Variants in SFI1 observed in about 807,000 individuals in gnomAD.
The protein encoded by SFI1 is protein SFI1 homolog.
A neutral mutation model predicts 207.5 loss-of-function variants in SFI1; 195 were observed. The ratio of observed to expected loss-of-function variants is 0.94; its 90% confidence interval spans 0.84 to 1.06. The LOEUF is 1.06. Ranked by LOEUF, SFI1 falls within the 50% of genes least tolerant of loss-of-function variation. The probability of loss-of-function intolerance (pLI) is 0.00; values close to 1 mark genes in which losing one functional copy is unlikely to be tolerated. For missense variants in SFI1, 1,634 were observed against 1,588.0 expected, an observed-to-expected ratio of 1.03 and a Z score of -0.49; for synonymous variants, 630 against 598.9, an observed-to-expected ratio of 1.05 and a Z score of -0.76.
intron 1 of SFI1, among the ~76,000 whole-genome samples, chr22:31,502,312 A>T (rs1040381346): frequency 6.6e-6 from 1 of 152,056 alleles, no homozygotes; most frequent in African/African-American, 2.4e-5. Flanking sequence ...AGAACCTATC[A>T]ATGACATTAA....
At chr22:31,552,229 G>A (rs1359235666) in intron 6 of SFI1, among the ~76,000 whole-genome samples, 3 of 151,856 alleles carry the variant, frequency 2.0e-5, no homozygotes. Context: ...TTTATGGCTG[G>A]GTGGTATTCC....
intron 4 of SFI1, among the ~76,000 whole-genome samples, chr22:31,533,101 A>G (rs1350533097): frequency 6.6e-6 from 1 of 152,168 alleles, no homozygotes; most frequent in Non-Finnish European, 1.5e-5. Flanking sequence ...TCACAGGCCC[A>G]GTTGAAGGGT....
rs2065544950 is a variant in SFI1, at chr22:31,589,603, C to G, written c.1544+26C>G. On this transcript the variant is annotated intron_variant, in intron 15 of 32. Transcript: ENST00000400288. ...GTATGTTGCGCAGCTCCTGTCTGCA[C>G]TGGGGCAGGTGTTTCAAATCTAACT... 3.1e-6 allele frequency: 5 copies of G among 1,595,606 alleles called. No homozygotes were observed. The African/African-American group carries it at 6.8e-5, about 22-fold the overall frequency.
At chr22:31,508,564 A>G (rs953479873) in intron 2 of SFI1, among the ~76,000 whole-genome samples, 188 bp downstream of exon 2, 1 of 152,198 alleles carries the variant, frequency 6.6e-6, no homozygotes, top group African/African-American at 2.4e-5. Flanking sequence ...GTTACAGTCA[A>G]AAAACATTCT....
rs59382278 is a variant in SFI1 at position 31,549,288 on chromosome 22, TA to T, written c.450-939del. On this transcript the variant is annotated intron_variant, in intron 5 of 32. Transcript: ENST00000400288. ...CTAGGTGACAGAGTGAGACCCTGTG[TA>T]AAAAAAAAAAAAAAAAAAAAAAAAA... 9.7e-3 allele frequency among the ~76,000 whole-genome samples: 360 copies of T among 37,186 alleles called. 2 individuals carry two copies. The highest frequency in any genetic ancestry group is 0.022 in the African/African-American group (180 of 8,050). The allele number at this position is 37,186 out of a possible 152,430, so 24.4% of individuals were successfully genotyped here.
At chr22:31,500,998 C>T (rs529361805) in intron 1 of SFI1, among the ~76,000 whole-genome samples, 1 of 151,048 alleles carries the variant, frequency 6.6e-6, no homozygotes, top group African/African-American at 2.4e-5. Context: ...GGGGTTTCAC[C>T]ATATTGGCCA....
intron 2 of SFI1, among the ~76,000 whole-genome samples, chr22:31,508,952 T>A (rs2055080293): frequency 6.6e-6 from 1 of 152,252 alleles, no homozygotes; most frequent in Non-Finnish European, 1.5e-5. Context: ...ATTTTTAGTA[T>A]GTCATCTATT....
chr22:31,615,259 G>A lies in SFI1; in HGVS notation c.3280G>A (p.Gly1094Arg), dbSNP rs774150397. The A allele has an allele frequency of 1.4e-5, 21 of 1,505,832 alleles. No individual in the cohort carries two copies. The highest frequency in any genetic ancestry group is 9.1e-5 in the South Asian group (7 of 76,586). The allele number at this position is 1,505,832 out of a possible 1,614,324, so 93.3% of individuals were successfully genotyped here. The change falls in exon 29 of 33, where the codon GGG becomes AGG. Residue 1094 changes from glycine (G) to arginine (R), a missense_variant. Physicochemically the swap from Gly to Arg is moderately radical, Grantham distance 125. Coordinates refer to ENST00000400288, the MANE Select transcript of SFI1 (RefSeq NM_001007467.3). ...LLPLSSFMPC[G>R]AAAPARVSAQ... ...GCCTCTTTCCTCCTTCATGCCCTGCGGGGCGGCTGCACCAGCCAGGGTACG... is the reference window on the plus strand; with the variant it reads ...GCCTCTTTCCTCCTTCATGCCCTGCAGGGCGGCTGCACCAGCCAGGGTACG...
intron 21 of SFI1, 41 bp from the exon 22 acceptor site, chr22:31,607,896 G>C (rs750536502): frequency 6.7e-5 from 106 of 1,585,840 alleles, no homozygotes; most frequent in Non-Finnish European, 8.6e-5. Flanking sequence ...CGGAAGCCAG[G>C]AGGTATAGTG....
intron 6 of SFI1, among the ~76,000 whole-genome samples, chr22:31,553,146 CTT>C (rs1227456250): frequency 6.6e-6 from 1 of 152,156 alleles, no homozygotes; most frequent in Non-Finnish European, 1.5e-5. Flanking sequence ...CCCAGCCTAA[CTT>C]TTTAATAACA....
chr22:31,525,652 GGATGCAGTGAGCCGT>G (rs2057819889), intron 2 of SFI1, among the ~76,000 whole-genome samples: 1 of 152,172 alleles, frequency 6.6e-6, no homozygotes, highest in South Asian at 2.1e-4. Flanking sequence ...GGGAGGTCAA[GGATGCAGTGAGCCGT>G]GATTGCATCA....
At chr22:31,580,886 A>G (rs1456194519) in intron 12 of SFI1, among the ~76,000 whole-genome samples, 1 of 152,084 alleles carries the variant, frequency 6.6e-6, no homozygotes, top group African/African-American at 2.4e-5. Context: ...CTGCTGATAG[A>G]AAAACTTGTT....
intron 2 of SFI1, among the ~76,000 whole-genome samples, chr22:31,524,985 G>C (rs1296141564): frequency 6.6e-6 from 1 of 151,598 alleles, no homozygotes; most frequent in African/African-American, 2.4e-5. Flanking sequence ...GTAGAGATGG[G>C]GTTTCACCAT....
intron 12 of SFI1, among the ~76,000 whole-genome samples, 173 bp downstream of exon 12, chr22:31,580,537 CTTTTCTTTT>C (rs1356567727): frequency 1.5e-5 from 2 of 136,378 alleles, no homozygotes; most frequent in Non-Finnish European, 3.2e-5. Context: ...TCTTTCTTTT[CTTTTCTTTT>C]TTTTTTTTTT....
chr22:31,533,709 C>T (rs2058729260), intron 4 of SFI1, among the ~76,000 whole-genome samples: 1 of 151,920 alleles, frequency 6.6e-6, no homozygotes, highest in South Asian at 2.1e-4. Flanking sequence ...ATTTTACCTT[C>T]TTCTGAATCT....
chr22:31,562,791 G>A (rs919768774), intron 8 of SFI1, among the ~76,000 whole-genome samples: 9 of 151,094 alleles, frequency 6.0e-5, no homozygotes, highest in East Asian at 2.0e-4. Flanking sequence ...CCGCCACCAC[G>A]CCCGGCTAAT....
At chr22:31,547,078 T>C (rs1396554299) in intron 5 of SFI1, 107 bp downstream of exon 5, 12 of 804,272 alleles carry the variant, frequency 1.5e-5, no homozygotes, top group Admixed American at 2.5e-5. Context: ...TCACTTTTGG[T>C]TTTTCTTCAA....
intron 22 of SFI1, 56 bp downstream of exon 22, chr22:31,608,089 T>C (rs1245176315): frequency 1.4e-6 from 2 of 1,396,716 alleles, no homozygotes; most frequent in Admixed American, 3.4e-5. Flanking sequence ...AGCGCTGTTG[T>C]GGAGATCCCT....
intron 8 of SFI1, among the ~76,000 whole-genome samples, chr22:31,570,426 T>G (rs142671237): frequency 0.011 from 1,650 of 152,082 alleles, 8 homozygotes; most frequent in Middle Eastern, 0.031. Flanking sequence ...GGGAAGAGAT[T>G]AGGAGGAGCC....
Sources: allele counts gnomAD v4.1 joint callset (sites outside exome capture counted in the v4.1 genomes callset), GRCh38; gene constraint gnomAD v4.1.1; transcripts MANE v1.5; gene names NCBI Gene and HGNC (gene_info 2026-07-23, HGNC 2026-07-21).